Variants in ELP4 observed in about 807,000 individuals in gnomAD.
ELP4 encodes elongator acetyltransferase complex subunit 4, also known as elongator complex protein 4.
In ELP4, 51 loss-of-function variants were observed where a neutral mutation model predicts 48.9. The observed-to-expected ratio is 1.04, with a 90% confidence interval of 0.83 to 1.32. The LOEUF (loss-of-function observed/expected upper bound fraction) is 1.32. Ranked by LOEUF, ELP4 falls within the 40% of genes most tolerant of loss-of-function variation. The pLI is 0.00. For missense variants in ELP4, 519 were observed against 514.6 expected (o/e 1.01, Z -0.08); for synonymous variants, 210 against 189.2 (o/e 1.11, Z -0.90).
chr11:31,713,280 T>C (rs1946779328), intron 9 of ELP4, among the ~76,000 whole-genome samples: 1 of 152,222 alleles, frequency 6.6e-6, no homozygotes, highest in Admixed American at 6.5e-5. Context: ...CATTTTGTGT[T>C]GTTAATACTT....
At chr11:31,560,085 T>C (rs1956992993) in intron 3 of ELP4, among the ~76,000 whole-genome samples, 1 of 152,074 alleles carries the variant, frequency 6.6e-6, no homozygotes, top group Non-Finnish European at 1.5e-5. Context: ...ATTCTGGAAA[T>C]ATAAAAGAAA....
chr11:31,772,122 T>TC lies in ELP4; in HGVS notation c.1144-11271_1144-11270insC, dbSNP rs200200338. On this transcript the variant is annotated intron_variant, in intron 9 of 9. Transcript: ENST00000640961. ...CTCACCACCTGAATTATTTTCTTCT[T>TC]TTTTTTTTTTTTTTTTAGAATAAGT... Among the ~76,000 whole-genome samples the TC allele has an allele frequency of 5.5e-3, 798 of 144,762 alleles. 6 individuals carry two copies. Among genetic ancestry groups the TC allele is most frequent in the African/African-American group, 0.019 (756 of 39,058 alleles). The allele number at this position is 144,762 out of a possible 152,430, so 95.0% of individuals were successfully genotyped here.
chr11:31,755,163 G>A (rs1173878386), intron 9 of ELP4, among the ~76,000 whole-genome samples: 1 of 152,126 alleles, frequency 6.6e-6, no homozygotes, highest in Non-Finnish European at 1.5e-5. Context: ...AACAATTTGA[G>A]CAAGAAAATA....
intron 9 of ELP4, among the ~76,000 whole-genome samples, chr11:31,731,032 A>G (rs896307154): frequency 6.6e-6 from 1 of 152,198 alleles, no homozygotes; most frequent in African/African-American, 2.4e-5. Context: ...TAGAGAAGAC[A>G]CATCAGAGAA....
At chr11:31,618,591 A>G (rs1187780675) in intron 5 of ELP4, among the ~76,000 whole-genome samples, 1 of 152,102 alleles carries the variant, frequency 6.6e-6, no homozygotes, top group Non-Finnish European at 1.5e-5. Context: ...AAATTTCAAC[A>G]TGAGTTTTAA....
chr11:31,681,185 T>C (rs1174392815), intron 9 of ELP4, among the ~76,000 whole-genome samples: 1 of 152,168 alleles, frequency 6.6e-6, no homozygotes, highest in African/African-American at 2.4e-5. Context: ...GCTTTTCTCC[T>C]TCTGAAATAT....
At chr11:31,553,970 A>T (rs1184475946) in intron 3 of ELP4, among the ~76,000 whole-genome samples, 1 of 152,118 alleles carries the variant, frequency 6.6e-6, no homozygotes, top group Non-Finnish European at 1.5e-5. Flanking sequence ...ACCTCCTGTC[A>T]AATCAGTGGT....
intron 5 of ELP4, among the ~76,000 whole-genome samples, chr11:31,623,632 A>G (rs555591641): frequency 6.6e-6 from 1 of 150,640 alleles, no homozygotes; most frequent in Non-Finnish European, 1.5e-5. Flanking sequence ...AATTTTAAGC[A>G]TTGTTGATGA....
At chr11:31,742,298 T>C (rs1279239853) in intron 9 of ELP4, among the ~76,000 whole-genome samples, 2 of 152,160 alleles carry the variant, frequency 1.3e-5, no homozygotes. Context: ...ACGGTGAGAA[T>C]GGAACCAAGT....
chr11:31,694,389 A>G (rs1282951445), intron 9 of ELP4, among the ~76,000 whole-genome samples: 2 of 152,206 alleles, frequency 1.3e-5, no homozygotes, highest in African/African-American at 4.8e-5. Flanking sequence ...ATGGCTAGCC[A>G]GTTTTCCTAG....
intron 2 of ELP4, among the ~76,000 whole-genome samples, chr11:31,528,234 A>G (rs1351301181): frequency 6.6e-6 from 1 of 152,102 alleles, no homozygotes; most frequent in South Asian, 2.1e-4. Flanking sequence ...CTCTATAACC[A>G]TGGGAGCCAT....
Position 31,582,926 on chromosome 11 carries a change from G to C in ELP4, c.382-11844G>C, listed in dbSNP as rs996300131. ...GGGGGACAGTGGAAGGGAAGAGGAA[G>C]TCCTTTCACCCCTCTATATGAAGAC... On this transcript the variant is annotated intron_variant, in intron 3 of 9. Coordinates refer to ENST00000640961, the MANE Select transcript of ELP4 (RefSeq NM_019040.5). Among the ~76,000 whole-genome samples the C allele has an allele frequency of 3.3e-5, 5 of 152,224 alleles. No individual in the cohort carries two copies. The East Asian group carries it at 9.7e-4, about 29-fold the overall frequency.
intron 9 of ELP4, among the ~76,000 whole-genome samples, chr11:31,704,808 C>T (rs538329247): frequency 8.8e-4 from 134 of 151,796 alleles, no homozygotes; most frequent in African/African-American, 3.1e-3. Context: ...GTGAAGAATT[C>T]GAGACCAGCC....
intron 9 of ELP4, among the ~76,000 whole-genome samples, chr11:31,709,091 C>T (rs1394699187): frequency 1.3e-5 from 2 of 152,094 alleles, no homozygotes; most frequent in Non-Finnish European, 2.9e-5. Flanking sequence ...CTGATCTATA[C>T]ATCCTGTCAT....
At chr11:31,775,184 A>G (rs117909018) in intron 9 of ELP4, among the ~76,000 whole-genome samples, 2,285 of 152,320 alleles carry the variant, frequency 0.015, 31 homozygotes, top group Non-Finnish European at 0.023. Context: ...AATATGTTCT[A>G]TCTTCCTTCA....
At chr11:31,561,068 ACTTT>A (rs1238599680) in intron 3 of ELP4, among the ~76,000 whole-genome samples, 1 of 152,106 alleles carries the variant, frequency 6.6e-6, no homozygotes, top group Non-Finnish European at 1.5e-5. Flanking sequence ...ACAATGCATG[ACTTT>A]CTATCACCCA....
intron 7 of ELP4, among the ~76,000 whole-genome samples, chr11:31,644,857 A>G (rs978453478): frequency 1.3e-5 from 2 of 151,910 alleles, no homozygotes; most frequent in South Asian, 2.1e-4. Flanking sequence ...GCTCCTACAC[A>G]TAACTAGAAG....
Position 31,789,652 on chromosome 11 carries a change from A to G in ELP4, c.*6128A>G. ...AGTCTACATTGTTCTTTTTTTCATTATAACATACAAATGCCCATTTACAAA... is the reference window on the plus strand; with the variant it reads ...AGTCTACATTGTTCTTTTTTTCATTGTAACATACAAATGCCCATTTACAAA... On this transcript the variant is annotated 3_prime_UTR_variant, in exon 10 of 10. Coordinates refer to ENST00000640961, the MANE Select transcript of ELP4 (RefSeq NM_019040.5). The G allele has an allele frequency of 1.4e-6, 1 of 699,722 alleles. No individual in the cohort carries two copies. The highest frequency in any genetic ancestry group is 1.5e-5 in the South Asian group (1 of 67,032). The allele number at this position is 699,722 out of a possible 1,614,324, so 43.3% of individuals were successfully genotyped here.
intron 9 of ELP4, among the ~76,000 whole-genome samples, chr11:31,766,120 G>A (rs1278139248): frequency 6.6e-6 from 1 of 151,922 alleles, no homozygotes; most frequent in African/African-American, 2.4e-5. Flanking sequence ...TCAAAAATGT[G>A]TACATTAATA....
Sources: gnomAD v4.1 joint callset for allele counts (sites outside exome capture counted in the v4.1 genomes callset) on GRCh38, gnomAD v4.1.1 for gene constraint, MANE v1.5 for transcripts, NCBI Gene and HGNC (gene_info 2026-07-23, HGNC 2026-07-21) for gene names.